Variants in ADAM10 observed in about 807,000 individuals in gnomAD.
ADAM10 encodes the protein disintegrin and metalloproteinase domain-containing protein 10.
ADAM10 carries 17 observed loss-of-function variants against 90.1 expected under a neutral mutation model. That is an observed-to-expected ratio of 0.19 (90% CI 0.13 to 0.28). The LOEUF is 0.28. ADAM10 is among the 10% of genes least tolerant of loss of function. The probability of loss-of-function intolerance (pLI) is 1.00; values close to 1 mark genes in which losing one functional copy is unlikely to be tolerated. For missense variants in ADAM10, 610 were observed against 914.3 expected (o/e 0.67, Z 4.29); for synonymous variants, 310 against 298.6 (o/e 1.04, Z -0.40).
At chr15:58,726,097 T>C (rs1364831094) in intron 1 of ADAM10, among the ~76,000 whole-genome samples, 1 of 152,160 alleles carries the variant, frequency 6.6e-6, no homozygotes, top group Non-Finnish European at 1.5e-5. Flanking sequence ...TACTGTGGAA[T>C]TTATGACACA....
intron 11 of ADAM10, among the ~76,000 whole-genome samples, chr15:58,612,870 A>G (rs566764480): frequency 6.6e-6 from 1 of 152,294 alleles, no homozygotes; most frequent in East Asian, 1.9e-4. Context: ...ACCTACATTC[A>G]ATCTTGCCAG....
At chr15:58,691,488 G>T in intron 2 of ADAM10, 1 of 613,146 alleles carries the variant, frequency 1.6e-6, no homozygotes, top group South Asian at 1.4e-5. Context: ...CACATACTCT[G>T]ACAGAGATGT....
intron 4 of ADAM10, among the ~76,000 whole-genome samples, chr15:58,668,824 G>T (rs1596048580): frequency 6.6e-6 from 1 of 151,954 alleles, no homozygotes; most frequent in Non-Finnish European, 1.5e-5. Context: ...GCCAGTATGT[G>T]GTTTCTATGC....
intron 12 of ADAM10, 129 bp downstream of exon 12, chr15:58,611,679 T>C (rs998964381): frequency 2.4e-6 from 2 of 842,260 alleles, no homozygotes; most frequent in Non-Finnish European, 3.7e-6. Context: ...TTCATGGTTT[T>C]GTGAGGGAAT....
At chr15:58,665,643 T>TC (rs1453015334) in intron 4 of ADAM10, among the ~76,000 whole-genome samples, 7 of 151,936 alleles carry the variant, frequency 4.6e-5, no homozygotes, top group African/African-American at 1.7e-4. Flanking sequence ...GGGAAGATAC[T>TC]CCCCACCCCT....
intron 9 of ADAM10, among the ~76,000 whole-genome samples, chr15:58,628,522 TA>T (rs1250847325): frequency 6.6e-6 from 1 of 152,190 alleles, no homozygotes; most frequent in African/African-American, 2.4e-5. Flanking sequence ...TAAATGCACA[TA>T]AGTGGTGTTC....
At chr15:58,717,080 AT>A (rs1397870962) in intron 2 of ADAM10, among the ~76,000 whole-genome samples, 22 of 151,964 alleles carry the variant, frequency 1.4e-4, no homozygotes, top group Admixed American at 1.4e-3. Flanking sequence ...TCAATAAGTG[AT>A]TTTTTTTAAC....
Position 58,714,668 on chromosome 15 carries a change from A to G in ADAM10, c.206+2909T>C, listed in dbSNP as rs1019284629. Among the ~76,000 whole-genome samples, 6 of 152,280 alleles carry G rather than the reference A, an allele frequency of 3.9e-5. No individual in the cohort carries two copies. The South Asian group carries it at 1.0e-3, about 26-fold the overall frequency. The stretch of plus-strand genomic sequence containing the variant: ...AAGTCATTTCAAAGTTATATTTATT[A>G]TGTGTTGAGCCAATCTACCTAAAAA... On this transcript the variant is annotated intron_variant, in intron 2 of 15. Coordinates refer to ENST00000260408, the MANE Select transcript of ADAM10 (RefSeq NM_001110.4).
intron 15 of ADAM10, 60 bp downstream of exon 15, chr15:58,599,538 A>G (rs1371006237): frequency 4.5e-6 from 7 of 1,571,806 alleles, no homozygotes; most frequent in East Asian, 2.2e-5. Context: ...TTATAATTCA[A>G]TTCTACCTGC....
intron 1 of ADAM10, among the ~76,000 whole-genome samples, chr15:58,731,415 T>C (rs1370024979): frequency 2.6e-5 from 4 of 151,894 alleles, no homozygotes; most frequent in South Asian, 2.1e-4. Context: ...ACCCAGGAAT[T>C]AGAGACCAGC....
At chr15:58,733,922 A>T (rs137977009) in intron 1 of ADAM10, among the ~76,000 whole-genome samples, 1,675 of 145,188 alleles carry the variant, frequency 0.012, 24 homozygotes, top group African/African-American at 0.039. Flanking sequence ...TATATATATA[A>T]AAATAATATT....
chr15:58,642,974 T>C (rs1896454504), intron 7 of ADAM10, among the ~76,000 whole-genome samples: 1 of 152,168 alleles, frequency 6.6e-6, no homozygotes, highest in Non-Finnish European at 1.5e-5. Context: ...TAAACTTCTC[T>C]AGTATAGACA....
intron 3 of ADAM10, 94 bp downstream of exon 3, chr15:58,682,102 C>A (rs1897457680): frequency 1.3e-6 from 2 of 1,555,510 alleles, no homozygotes; most frequent in East Asian, 4.6e-5. Flanking sequence ...GGATTTATAA[C>A]CTTTTCTGAA....
chr15:58,655,929 T>G (rs1900145399), intron 5 of ADAM10, among the ~76,000 whole-genome samples: 1 of 150,950 alleles, frequency 6.6e-6, no homozygotes, highest in Non-Finnish European at 1.5e-5. Context: ...CTATTTTTAA[T>G]AGAGACAGGA....
intron 5 of ADAM10, among the ~76,000 whole-genome samples, chr15:58,647,923 G>A (rs1044502225): frequency 2.0e-5 from 3 of 152,090 alleles, no homozygotes; most frequent in African/African-American, 7.2e-5. Context: ...ACACCTAAAA[G>A]GATCATCTTA....
At chr15:58,646,330 C>T in intron 5 of ADAM10, 126 bp from the exon 6 acceptor site, 1 of 977,550 alleles carries the variant, frequency 1.0e-6, no homozygotes, top group Admixed American at 2.3e-5. Context: ...ATTTCTGCTG[C>T]CATTAAAAGT....
chr15:58,621,555 C>A lies in ADAM10; in HGVS notation c.1427G>T (p.Ser476Ile), dbSNP rs200729876. The A allele has an allele frequency of 5.6e-6, 9 of 1,614,014 alleles. No individual in the cohort carries two copies. Among genetic ancestry groups the A allele is most frequent in the Non-Finnish European group, 7.6e-6 (9 of 1,180,030 alleles). ...GCAGCATTCATCTTTACACTGGTCA[C>A]TATAGCCACAATCACATTCTTCACC... Reference protein sequence around the residue: ...EQGEECDCGYSDQCKDECCFD... With the variant: ...EQGEECDCGYIDQCKDECCFD... Residue 476 changes from serine to isoleucine, a missense_variant, in exon 11 of 16, where the codon AGT (serine) becomes ATT (isoleucine). Transcript: ENST00000260408.
chr15:58,666,244 C>T (rs554602040), intron 4 of ADAM10, among the ~76,000 whole-genome samples: 258 of 149,932 alleles, frequency 1.7e-3, no homozygotes, highest in African/African-American at 6.0e-3. Flanking sequence ...TCACCATCAA[C>T]TCCCTTGTGC....
intron 2 of ADAM10, chr15:58,691,956 G>T (rs963008058): frequency 9.5e-6 from 4 of 419,300 alleles, no homozygotes; most frequent in Non-Finnish European, 1.4e-5. Flanking sequence ...GATTACAGGC[G>T]TGAGCCACCA....
Sources: allele counts gnomAD v4.1 joint callset (sites outside exome capture counted in the v4.1 genomes callset), GRCh38; gene constraint gnomAD v4.1.1; transcripts MANE v1.5; gene names NCBI Gene and HGNC (gene_info 2026-07-23, HGNC 2026-07-21).